Variants in PEAK1 observed in about 807,000 individuals in gnomAD.
The protein encoded by PEAK1 is inactive tyrosine-protein kinase PEAK1.
Under a neutral mutation model 124.7 loss-of-function variants are expected in PEAK1, and 54 were observed. The observed-to-expected ratio is 0.43, with a 90% confidence interval of 0.35 to 0.54. PEAK1 has a LOEUF of 0.54. Among genes scored for constraint, PEAK1 ranks in the 20% least tolerant of loss-of-function variants. The probability of loss-of-function intolerance (pLI) is 0.01; values close to 1 mark genes in which losing one functional copy is unlikely to be tolerated. For synonymous variants in PEAK1, 719 were observed against 760.0 expected, an observed-to-expected ratio of 0.95 and a Z score of 0.89; for missense variants, 2,046 against 2,134.5, an observed-to-expected ratio of 0.96 and a Z score of 0.82.
At chr15:77,153,154 C>G (rs1389283932) in intron 8 of PEAK1, among the ~76,000 whole-genome samples, 1 of 152,164 alleles carries the variant, frequency 6.6e-6, no homozygotes, top group Admixed American at 6.5e-5. Flanking sequence ...TTGATTATTG[C>G]CACAATTTCA....
intron 1 of PEAK1, among the ~76,000 whole-genome samples, chr15:77,379,181 G>C (rs1024330157): frequency 3.9e-5 from 6 of 152,150 alleles, no homozygotes; most frequent in African/African-American, 1.4e-4. Context: ...TTTCTCCAAT[G>C]AAATAAAAGT....
chr15:77,135,961 A>G (rs1016604101), intron 8 of PEAK1, among the ~76,000 whole-genome samples: 1 of 152,188 alleles, frequency 6.6e-6, no homozygotes, highest in African/African-American at 2.4e-5. Context: ...CTGAAAAGAT[A>G]CCCGAAAATG....
chr15:77,371,805 T>C lies in PEAK1; in HGVS notation c.-665-6580A>G, dbSNP rs530169986. ...CGGGAGGCTGAGACAGGAGAATTGC[T>C]TGAAGGAGGTGGAGGTTGCAGTGAC... On this transcript the variant is annotated intron_variant, in intron 1 of 9. Coordinates refer to ENST00000682557, the MANE Select transcript of PEAK1 (RefSeq NM_001385026.1). Among the ~76,000 whole-genome samples, 13 of 152,264 alleles carry C rather than the reference T, an allele frequency of 8.5e-5. No homozygotes were observed. The East Asian group carries it at 2.5e-3, about 29-fold the overall frequency.
At chr15:77,394,204 G>A (rs2070716711) in intron 1 of PEAK1, among the ~76,000 whole-genome samples, 1 of 152,206 alleles carries the variant, frequency 6.6e-6, no homozygotes, top group Admixed American at 6.5e-5. Context: ...GGGAGACCTT[G>A]CCACCCTGAA....
intron 5 of PEAK1, among the ~76,000 whole-genome samples, chr15:77,269,464 G>C (rs1006013314): frequency 1.1e-4 from 16 of 152,078 alleles, no homozygotes; most frequent in African/African-American, 3.6e-4. Context: ...CAACAGGAAA[G>C]TATCACAATC....
intron 6 of PEAK1, among the ~76,000 whole-genome samples, chr15:77,220,765 G>A (rs1344976213): frequency 6.6e-6 from 1 of 151,994 alleles, no homozygotes; most frequent in Non-Finnish European, 1.5e-5. Flanking sequence ...TATTTCTTAT[G>A]TGTTTTTTAT....
chr15:77,107,471 A>G (rs1226108027), downstream of PEAK1: 1 of 152,232 alleles, frequency 6.6e-6, no homozygotes, highest in African/African-American at 2.4e-5. Context: ...AAGAGCAGAG[A>G]CACCGGGTTG....
At position 77,337,832 on chromosome 15, in the gene PEAK1, A is replaced by C. The variant is rs921660925; in HGVS notation, c.-603+27331T>G. ...ACGCTACTTTAGCGTTTCATGCAAT[A>C]GAGCTAAGAAGAGCAAGGACTTAAG... On this transcript the variant is annotated intron_variant, in intron 2 of 9. Transcript: ENST00000682557. The C allele has an allele frequency of 1.9e-5, 19 of 985,228 alleles. No homozygotes were observed. The South Asian group carries it at 8.9e-4, about 46-fold the overall frequency. The allele number at this position is 985,228 out of a possible 1,614,324, so 61.0% of individuals were successfully genotyped here.
At chr15:77,382,556 C>T (rs1362574424) in intron 1 of PEAK1, among the ~76,000 whole-genome samples, 1 of 152,138 alleles carries the variant, frequency 6.6e-6, no homozygotes, top group Non-Finnish European at 1.5e-5. Context: ...CATTAGGCTC[C>T]CTCCTTCATG....
At chr15:77,125,833 G>T (rs926314594) in intron 9 of PEAK1, among the ~76,000 whole-genome samples, 1 of 152,150 alleles carries the variant, frequency 6.6e-6, no homozygotes, top group African/African-American at 2.4e-5. Flanking sequence ...TTTTTAATGA[G>T]GATCCCTCAG....
intron 6 of PEAK1, among the ~76,000 whole-genome samples, chr15:77,228,367 T>C (rs939709092): frequency 1.3e-5 from 2 of 152,198 alleles, no homozygotes; most frequent in Non-Finnish European, 2.9e-5. Flanking sequence ...CTATGGGTCA[T>C]CAAAGATATG....
intron 1 of PEAK1, among the ~76,000 whole-genome samples, chr15:77,411,193 C>T (rs1215388890): frequency 1.3e-5 from 2 of 150,852 alleles, no homozygotes; most frequent in East Asian, 3.9e-4. Flanking sequence ...GATGGTAAGG[C>T]CAACCCTGCT....
chr15:77,219,047 A>G (rs2059269956), intron 6 of PEAK1, among the ~76,000 whole-genome samples: 1 of 152,206 alleles, frequency 6.6e-6, no homozygotes, highest in Non-Finnish European at 1.5e-5. Flanking sequence ...TAGATCTAAG[A>G]GTATGGCTAA....
intron 2 of PEAK1, among the ~76,000 whole-genome samples, chr15:77,339,100 G>A (rs1391059067): frequency 1.3e-5 from 2 of 151,594 alleles, no homozygotes; most frequent in East Asian, 3.9e-4. Flanking sequence ...AGATTAATAA[G>A]GTAAAATGTT....
intron 8 of PEAK1, among the ~76,000 whole-genome samples, chr15:77,153,155 C>G (rs1011855092): frequency 6.6e-6 from 1 of 152,122 alleles, no homozygotes; most frequent in Non-Finnish European, 1.5e-5. Flanking sequence ...TGATTATTGC[C>G]ACAATTTCAG....
At chr15:77,312,359 G>A (rs941859548) in intron 2 of PEAK1, among the ~76,000 whole-genome samples, 6 of 152,146 alleles carry the variant, frequency 3.9e-5, no homozygotes, top group South Asian at 2.1e-4. Context: ...CAGAGAGTAC[G>A]GAGCCAATAC....
At chr15:77,178,462 TCA>T (rs2057021948) in intron 7 of PEAK1, 1 of 334,734 alleles carries the variant, frequency 3.0e-6, no homozygotes, top group Admixed American at 4.3e-5. Flanking sequence ...TGTTTCTTCC[TCA>T]CACTACCATC....
At chr15:77,260,337 T>TA (rs1275321500) in intron 5 of PEAK1, among the ~76,000 whole-genome samples, 1 of 152,122 alleles carries the variant, frequency 6.6e-6, no homozygotes, top group Non-Finnish European at 1.5e-5. Context: ...CTCAAATATT[T>TA]AAATTCATAA....
intron 1 of PEAK1, among the ~76,000 whole-genome samples, chr15:77,396,065 G>A (rs1188510097): frequency 6.6e-6 from 1 of 152,102 alleles, no homozygotes; most frequent in Admixed American, 6.5e-5. Flanking sequence ...TTAAAAAGCA[G>A]GTGGGATGAC....
Sources: gnomAD v4.1 joint callset for allele counts (sites outside exome capture counted in the v4.1 genomes callset) on GRCh38, gnomAD v4.1.1 for gene constraint, MANE v1.5 for transcripts, NCBI Gene and HGNC (gene_info 2026-07-23, HGNC 2026-07-21) for gene names.